BPNT1: variants seen among roughly 807,000 people sequenced by gnomAD.
BPNT1 encodes the protein 3'(2'),5'-bisphosphate nucleotidase 1.
A neutral mutation model predicts 36.9 loss-of-function variants in BPNT1; 28 were observed. That is an observed-to-expected ratio of 0.76 (90% CI 0.56 to 1.04). The LOEUF (loss-of-function observed/expected upper bound fraction) is 1.04. Among genes scored for constraint, BPNT1 ranks in the 50% least tolerant of loss-of-function variants. BPNT1 has a pLI of 0.00. For missense variants in BPNT1, 313 were observed against 372.9 expected, an observed-to-expected ratio of 0.84 and a Z score of 1.32; for synonymous variants, 119 against 130.9, an observed-to-expected ratio of 0.91 and a Z score of 0.62.
rs1227141089 is a variant in BPNT1, at chr1:220,072,880, T to C, written c.303A>G (p.Pro101=). 9 of 1,614,034 alleles carry C rather than the reference T, an allele frequency of 5.6e-6. No homozygotes were observed. The highest frequency in any genetic ancestry group is 2.7e-5 in the African/African-American group (2 of 74,954). Reference sequence around the variant, plus strand: ...CTTCTTTAATAGCACTGTACTGCGATGGGCATGGTTGCTTCAGTATTTCTT... The same window carrying C: ...CTTCTTTAATAGCACTGTACTGCGACGGGCATGGTTGCTTCAGTATTTCTT... ...QWEEILKQPC[P]SQYSAIKEED... The change falls in exon 4 of 9, where the codon CCA becomes CCG. Residue 101 remains proline, a synonymous_variant. Coordinates refer to ENST00000322067, the MANE Select transcript of BPNT1 (RefSeq NM_006085.6).
In BPNT1 at chr1:220,062,683, T is replaced by C. The variant is rs1050738680; in HGVS notation, c.672+74A>G. 5 of 1,526,766 alleles carry C rather than the reference T, an allele frequency of 3.3e-6. No individual in the cohort carries two copies. In the Admixed American group the frequency reaches 5.1e-5, roughly 16 times the overall value. The allele number at this position is 1,526,766 out of a possible 1,614,324, so 94.6% of individuals were successfully genotyped here. A position where few individuals can be genotyped will look rare whatever the true frequency, so the allele number is the denominator to read the frequency against. On this transcript the variant is annotated intron_variant, in intron 7 of 8. Transcript: ENST00000322067. ...CAGTAATGGGATGGCTAAACTCTTA[T>C]TTCATGTTTTTAGAAGTTGAGTATT... is the stretch of plus-strand genomic sequence containing the variant.
intron 5 of BPNT1, among the ~76,000 whole-genome samples, chr1:220,067,942 T>A (rs1376861103): frequency 6.6e-6 from 1 of 152,178 alleles, no homozygotes; most frequent in East Asian, 1.9e-4. Flanking sequence ...TTATACACAT[T>A]AAAGTTGTCT....
intron 4 of BPNT1, among the ~76,000 whole-genome samples, chr1:220,072,365 A>C (rs1403963233): frequency 6.7e-6 from 1 of 149,760 alleles, no homozygotes; most frequent in African/African-American, 2.4e-5. Flanking sequence ...CCGTCTCAGA[A>C]AAAAAAAAAA....
intron 1 of BPNT1, among the ~76,000 whole-genome samples, chr1:220,089,145 GGAAGAA>G (rs911791480): frequency 1.4e-5 from 2 of 139,796 alleles, no homozygotes; most frequent in African/African-American, 5.1e-5. Context: ...GGAAGGAGGA[GGAAGAA>G]GAAGAAGAAA....
At chr1:220,069,243 A>G (rs1372261155) in intron 5 of BPNT1, 141 bp downstream of exon 5, 3 of 580,884 alleles carry the variant, frequency 5.2e-6, no homozygotes, top group African/African-American at 3.9e-5. Flanking sequence ...TATGATAACC[A>G]TGAGCACAAA....
chr1:220,062,667 G>T, intron 7 of BPNT1, 90 bp downstream of exon 7: 2 of 1,405,582 alleles, frequency 1.4e-6, no homozygotes, highest in Non-Finnish European at 2.0e-6. Context: ...CCAGTAATGG[G>T]ATGGCTAAAC....
At chr1:220,086,661 C>T (rs888995204) in intron 1 of BPNT1, among the ~76,000 whole-genome samples, 8 of 150,702 alleles carry the variant, frequency 5.3e-5, no homozygotes, top group Non-Finnish European at 1.2e-4. Flanking sequence ...CTGCAACCTC[C>T]GCCTCCCGGG....
chr1:220,076,543 G>A lies in BPNT1; in HGVS notation c.121-2472C>T, dbSNP rs188183586. 4.2e-3 allele frequency among the ~76,000 whole-genome samples: 626 copies of A among 149,516 alleles called. 6 individuals carry two copies. Among genetic ancestry groups the A allele is most frequent in the African/African-American group, 0.014 (582 of 40,800 alleles). On this transcript the variant is annotated intron_variant, in intron 2 of 8. Coordinates refer to ENST00000322067, the MANE Select transcript of BPNT1 (RefSeq NM_006085.6). The stretch of plus-strand genomic sequence containing the variant: ...AGGCAAAAAAATACAAAATTAGCTG[G>A]ATGTGGTGGCACATGCCTGTAATCC...
At chr1:220,087,824 G>T (rs183609426) in intron 1 of BPNT1, among the ~76,000 whole-genome samples, 1 of 152,092 alleles carries the variant, frequency 6.6e-6, no homozygotes, top group African/African-American at 2.4e-5. Context: ...AATTATGAAA[G>T]AAATGCAAAC....
At position 220,059,756 on chromosome 1, in the gene BPNT1, A is replaced by G. The variant is rs1662853933; in HGVS notation, c.708T>C (p.Tyr236=). 1.9e-6 allele frequency: 3 copies of G among 1,610,744 alleles called. No homozygotes were observed. Among genetic ancestry groups the G allele is most frequent in the Non-Finnish European group, 2.5e-6 (3 of 1,178,956 alleles). ...IQLIEGKASA[Y]VFASPGCKKW... ...TCTTACAACCAGGACTTGCAAATACATAAGCAGAGGCTTTGCCTTCAATCA... is the reference window on the plus strand; with the variant it reads ...TCTTACAACCAGGACTTGCAAATACGTAAGCAGAGGCTTTGCCTTCAATCA... The change falls in exon 8 of 9, where the codon TAT becomes TAC. Residue 236 remains tyrosine (Y), a synonymous_variant. Coordinates refer to ENST00000322067, the MANE Select transcript of BPNT1 (RefSeq NM_006085.6).
intron 5 of BPNT1, among the ~76,000 whole-genome samples, chr1:220,068,329 G>A (rs1474284492): frequency 2.0e-5 from 3 of 151,884 alleles, no homozygotes; most frequent in Admixed American, 6.6e-5. Context: ...GATTACAGAC[G>A]TGTGCCACCA....
At chr1:220,064,283 AT>A (rs1663328328) in intron 6 of BPNT1, among the ~76,000 whole-genome samples, 1 of 152,194 alleles carries the variant, frequency 6.6e-6, no homozygotes, top group African/African-American at 2.4e-5. Flanking sequence ...CACACACATC[AT>A]CTTATTTGTC....
At chr1:220,080,003 AAG>A in intron 1 of BPNT1, 149 bp from the exon 2 acceptor site, 1 of 826,690 alleles carries the variant, frequency 1.2e-6, no homozygotes, top group South Asian at 2.6e-5. Context: ...TATTTACTAA[AAG>A]AGACTTCGAA....
chr1:220,076,622 C>T (rs1419712974), intron 2 of BPNT1, among the ~76,000 whole-genome samples: 2 of 150,362 alleles, frequency 1.3e-5, no homozygotes, highest in African/African-American at 4.9e-5. Context: ...GAGGCAGAGG[C>T]TGCGGTGAGC....
rs201519563 is a variant in BPNT1 at position 220,073,982 on chromosome 1, T to C, written c.210A>G (p.Thr70=). 15 of 1,613,784 alleles carry C rather than the reference T, an allele frequency of 9.3e-6. No individual in the cohort carries two copies. Among genetic ancestry groups the C allele is most frequent in the Non-Finnish European group, 1.3e-5 (15 of 1,179,936 alleles). ...SSLARKFPKL[T]IIGEEDLPSE... is the part of the protein sequence containing the mutation. ...TGACGCTTACCTCTTCCCCTATAAT[T>C]GTGAGTTTGGGGAATTTCCGGGCCA... The change falls in exon 3 of 9, where the codon ACA becomes ACG. Residue 70 remains threonine, a synonymous_variant. Coordinates refer to ENST00000322067, the MANE Select transcript of BPNT1 (RefSeq NM_006085.6).
chr1:220,075,589 C>T (rs1291765905), intron 2 of BPNT1, among the ~76,000 whole-genome samples: 1 of 152,030 alleles, frequency 6.6e-6, no homozygotes, highest in Non-Finnish European at 1.5e-5. Flanking sequence ...AGTTAAATAC[C>T]AATCAAGTTT....
chr1:220,060,390 C>T (rs926379234), intron 7 of BPNT1, among the ~76,000 whole-genome samples: 22 of 152,212 alleles, frequency 1.4e-4, no homozygotes, highest in Admixed American at 3.3e-4. Context: ...GCACGAGAAT[C>T]GTTTGAACCT....
chr1:220,079,419 A>G (rs1488313982), intron 2 of BPNT1, among the ~76,000 whole-genome samples: 2 of 151,710 alleles, frequency 1.3e-5, no homozygotes, highest in African/African-American at 4.8e-5. Flanking sequence ...CGCCTGGCTA[A>G]TTTTTTGTAT....
chr1:220,072,968 G>A lies in BPNT1; in HGVS notation c.226-11C>T. 1 of 1,605,544 alleles carries A rather than the reference G, an allele frequency of 6.2e-7. No homozygotes were observed. The highest frequency in any genetic ancestry group is 8.5e-7 in the Non-Finnish European group (1 of 1,172,412). ...CTCAGAAGGCAGATCCTAAAGCAGAGATAACCCTAATGGTTACTGAAGCTG... is the reference window on the plus strand; with the variant it reads ...CTCAGAAGGCAGATCCTAAAGCAGAAATAACCCTAATGGTTACTGAAGCTG... On this transcript the variant is annotated splice_polypyrimidine_tract_variant and intron_variant, in intron 3 of 8. Transcript: ENST00000322067.
Sources: allele counts gnomAD v4.1 joint callset (sites outside exome capture counted in the v4.1 genomes callset), GRCh38; gene constraint gnomAD v4.1.1; transcripts MANE v1.5; gene names NCBI Gene and HGNC (gene_info 2026-07-23, HGNC 2026-07-21).